The following BMP6 variants were observed in gnomAD, a reference collection of about 807,000 sequenced individuals.
BMP6 encodes bone morphogenetic protein 6.
BMP6 carries 17 observed loss-of-function variants against 54.1 expected under a neutral mutation model. The observed-to-expected ratio is 0.31, with a 90% CI of 0.22 to 0.47. The LOEUF is 0.47. Ranked by LOEUF, BMP6 falls within the 20% of genes least tolerant of loss-of-function variation. BMP6 has a pLI of 1.00. For synonymous variants in BMP6, 328 were observed against 291.2 expected (o/e 1.13, Z -1.28); for missense variants, 720 against 690.4 (o/e 1.04, Z -0.48).
intron 1 of BMP6, among the ~76,000 whole-genome samples, chr6:7,770,246 C>T (rs547491975): frequency 2.0e-5 from 3 of 152,230 alleles, no homozygotes; most frequent in African/African-American, 7.2e-5. Context: ...TGTTTTTAAG[C>T]GGTTGAACAT....
At chr6:7,783,455 C>T (rs544108418) in intron 1 of BMP6, among the ~76,000 whole-genome samples, 10 of 152,304 alleles carry the variant, frequency 6.6e-5, no homozygotes, top group Admixed American at 6.5e-4. Context: ...TTCCTCTTTG[C>T]CACTTATTTT....
chr6:7,756,633 T>C (rs1359372338), intron 1 of BMP6, among the ~76,000 whole-genome samples: 3 of 152,234 alleles, frequency 2.0e-5, no homozygotes, highest in Non-Finnish European at 4.4e-5. Context: ...GTGTGCTGGA[T>C]TTTGTTATAT....
rs749474497 is a variant in BMP6, at chr6:7,880,529, G to A, written c.*186G>A. ...ATAATTTGCTCACTTGGTAAATGAC[G>A]TGAGTAGTTGTTGGTCTGTAGCAAG... On this transcript the variant is annotated 3_prime_UTR_variant, in exon 7 of 7. Coordinates refer to ENST00000283147, the MANE Select transcript of BMP6 (RefSeq NM_001718.6). 2.2e-5 allele frequency: 17 copies of A among 764,148 alleles called. No individual in the cohort carries two copies. Among genetic ancestry groups the A allele is most frequent in the Non-Finnish European group, 3.5e-5 (17 of 484,144 alleles). 47.3% of individuals were successfully genotyped at this position (764,148 alleles called of 1,614,324 possible).
chr6:7,768,632 T>A (rs1757729492), intron 1 of BMP6, among the ~76,000 whole-genome samples: 1 of 152,202 alleles, frequency 6.6e-6, no homozygotes, highest in Non-Finnish European at 1.5e-5. Context: ...CCGTTCTTAT[T>A]GACTGTAGTG....
In BMP6 at chr6:7,727,185, G is replaced by A; in HGVS notation, c.230G>A (p.Arg77Gln). 3 of 1,601,542 alleles carry A rather than the reference G, an allele frequency of 1.9e-6. No individual in the cohort carries two copies. Among genetic ancestry groups the A allele is most frequent in the Non-Finnish European group, 2.6e-6 (3 of 1,174,940 alleles). The change falls in exon 1 of 7, where the codon CGG becomes CAG. Residue 77 changes from arginine to glutamine, a missense_variant. Transcript: ENST00000283147. ...LYRRLKTQEK[R>Q]EMQKEILSVL... ...CGGCGGCTCAAGACGCAGGAGAAGCGGGAGATGCAGAAGGAGATCTTGTCG... is the reference window on the plus strand; with the variant it reads ...CGGCGGCTCAAGACGCAGGAGAAGCAGGAGATGCAGAAGGAGATCTTGTCG...
intron 1 of BMP6, among the ~76,000 whole-genome samples, chr6:7,762,648 G>T (rs1483996832): frequency 6.6e-6 from 1 of 152,082 alleles, no homozygotes; most frequent in African/African-American, 2.4e-5. Context: ...ATTCTTTCTA[G>T]CTCTGAACAT....
intron 1 of BMP6, among the ~76,000 whole-genome samples, chr6:7,775,967 T>C (rs927547344): frequency 6.6e-6 from 1 of 152,206 alleles, no homozygotes; most frequent in Non-Finnish European, 1.5e-5. Context: ...AAACAGCACT[T>C]CCTCTACGTC....
intron 2 of BMP6, among the ~76,000 whole-genome samples, chr6:7,854,990 T>C (rs1016336582): frequency 1.2e-4 from 19 of 152,140 alleles, no homozygotes; most frequent in African/African-American, 4.3e-4. Flanking sequence ...CTTGGACATA[T>C]AGAACCAAGA....
intron 1 of BMP6, among the ~76,000 whole-genome samples, chr6:7,782,023 T>A (rs944514659): frequency 1.3e-5 from 2 of 150,974 alleles, no homozygotes; most frequent in Non-Finnish European, 3.0e-5. Flanking sequence ...ATTTAGGAAG[T>A]TTTTAGTAGC....
At chr6:7,774,492 C>T (rs1416988822) in intron 1 of BMP6, among the ~76,000 whole-genome samples, 1 of 152,214 alleles carries the variant, frequency 6.6e-6, no homozygotes, top group Non-Finnish European at 1.5e-5. Context: ...GCAGAGGTTG[C>T]AGTGAGCCAA....
At chr6:7,762,249 T>C (rs1757624473) in intron 1 of BMP6, among the ~76,000 whole-genome samples, 1 of 152,052 alleles carries the variant, frequency 6.6e-6, no homozygotes, top group Non-Finnish European at 1.5e-5. Flanking sequence ...AAGGAAGGGG[T>C]TGTATCTTGA....
chr6:7,833,146 A>G (rs550009925), intron 1 of BMP6, among the ~76,000 whole-genome samples: 134 of 152,276 alleles, frequency 8.8e-4, no homozygotes, highest in African/African-American at 3.1e-3. Flanking sequence ...AGACACTTCT[A>G]GAATGATGCT....
At chr6:7,799,153 A>G (rs1471413832) in intron 1 of BMP6, among the ~76,000 whole-genome samples, 4 of 152,232 alleles carry the variant, frequency 2.6e-5, no homozygotes, top group African/African-American at 9.7e-5. Context: ...ATGACTCCAA[A>G]GGAGGGAGAG....
At chr6:7,730,248 G>T (rs1226041618) in intron 1 of BMP6, among the ~76,000 whole-genome samples, 2 of 152,198 alleles carry the variant, frequency 1.3e-5, no homozygotes, top group Admixed American at 6.5e-5. Context: ...CCTTGCTAGG[G>T]TGATGGTTTA....
At chr6:7,729,344 G>A (rs1367229200) in intron 1 of BMP6, among the ~76,000 whole-genome samples, 1 of 102,222 alleles carries the variant, frequency 9.8e-6, no homozygotes. Context: ...CCCGCCTCCA[G>A]GTTTCCTGGC....
chr6:7,853,342 G>A (rs1056300695), intron 2 of BMP6, among the ~76,000 whole-genome samples: 3 of 152,078 alleles, frequency 2.0e-5, no homozygotes, highest in Non-Finnish European at 4.4e-5. Flanking sequence ...GACAAATGTT[G>A]ACATTTGATT....
At chr6:7,728,692 C>G (rs1016827449) in intron 1 of BMP6, among the ~76,000 whole-genome samples, 1 of 152,180 alleles carries the variant, frequency 6.6e-6, no homozygotes, top group Non-Finnish European at 1.5e-5. Flanking sequence ...ACTGGCTACG[C>G]CCGGGATGGT....
rs111588693 is a variant in BMP6, at chr6:7,727,038, G to A, written c.83G>A (p.Arg28Gln). 510,068 of 1,134,860 alleles carry A rather than the reference G, an allele frequency of 0.45. 117,458 individuals carry two copies. The highest frequency in any genetic ancestry group is 0.54 in the South Asian group (12,670 of 23,538). The allele number at this position is 1,134,860 out of a possible 1,614,324, so 70.3% of individuals were successfully genotyped here. A position where few individuals can be genotyped will look rare whatever the true frequency, so the allele number is the denominator to read the frequency against. The change falls in exon 1 of 7, where the codon CGG becomes CAG. Residue 28 changes from arginine to glutamine, a missense_variant. Arg to Gln is a conservative substitution (Grantham distance 43). Transcript: ENST00000283147. ...LCSCCGPPPLRPPLPAAAAAA... is the reference protein window; with the variant it reads ...LCSCCGPPPLQPPLPAAAAAA... ...AGCTGCTGCGGGCCCCCGCCGCTGCGGCCGCCCTTGCCCGCTGCCGCGGCC... is the reference window on the plus strand; with the variant it reads ...AGCTGCTGCGGGCCCCCGCCGCTGCAGCCGCCCTTGCCCGCTGCCGCGGCC...
At chr6:7,808,212 G>A (rs549263666) in intron 1 of BMP6, among the ~76,000 whole-genome samples, 67 of 152,208 alleles carry the variant, frequency 4.4e-4, no homozygotes, top group East Asian at 1.9e-3. Context: ...GAGCCACCGC[G>A]CCCGGCCTTA....
Sources: gnomAD v4.1 joint callset for allele counts (sites outside exome capture counted in the v4.1 genomes callset) on GRCh38, gnomAD v4.1.1 for gene constraint, MANE v1.5 for transcripts, NCBI Gene and HGNC (gene_info 2026-07-23, HGNC 2026-07-21) for gene names.